CRYBG1: variants seen among roughly 807,000 people sequenced by gnomAD.
The protein encoded by CRYBG1 is crystallin beta-gamma domain containing 1.
Under a neutral mutation model 189.2 loss-of-function variants are expected in CRYBG1, and 139 were observed. The ratio of observed to expected loss-of-function variants is 0.73; its 90% CI spans 0.64 to 0.85. The LOEUF (loss-of-function observed/expected upper bound fraction) is 0.85. CRYBG1 is among the 40% of genes least tolerant of loss of function. CRYBG1 has a pLI of 0.00. For missense variants in CRYBG1, 2,611 were observed against 2,675.8 expected (o/e 0.98, Z 0.53); for synonymous variants, 1,023 against 1,017.1 (o/e 1.01, Z -0.11).
chr6:106,429,123 G>A lies in CRYBG1; in HGVS notation c.174-22571G>A, dbSNP rs534807984. 6.6e-5 allele frequency among the ~76,000 whole-genome samples: 10 copies of A among 152,212 alleles called. No individual in the cohort carries two copies. The South Asian group carries it at 2.1e-3, about 32-fold the overall frequency. On this transcript the variant is annotated intron_variant, in intron 1 of 21. Transcript: ENST00000633556. ...GATGACCTGAACATTTTAACCTTTG[G>A]CAAAATTATTTTCCTTTCATTTCCT...
chr6:106,527,480 G>A lies in CRYBG1; in HGVS notation c.4578+10G>A, dbSNP rs1465322079. 2 of 1,596,486 alleles carry A rather than the reference G, an allele frequency of 1.3e-6. No homozygotes were observed. The highest frequency in any genetic ancestry group is 2.3e-5 in the South Asian group (2 of 87,856). ...CAGACATGTGGTTCAGGTAGGTTGT[G>A]GTAAATATGGATTTTATTTATTCAG... On this transcript the variant is annotated intron_variant, in intron 7 of 21. Coordinates refer to ENST00000633556, the MANE Select transcript of CRYBG1 (RefSeq NM_001371242.2).
At chr6:106,435,776 A>C (rs1038269326) in intron 1 of CRYBG1, among the ~76,000 whole-genome samples, 12 of 151,932 alleles carry the variant, frequency 7.9e-5, no homozygotes, top group African/African-American at 2.7e-4. Flanking sequence ...GGGTTTCACT[A>C]TGTTGGTCAG....
At position 106,519,168 on chromosome 6, in the gene CRYBG1, AC is replaced by A; in HGVS notation, c.1964del (p.Pro655LeufsTer63). On this transcript the variant is annotated frameshift_variant, in exon 4 of 22. Coordinates refer to ENST00000633556, the MANE Select transcript of CRYBG1 (RefSeq NM_001371242.2). LOFTEE classifies it high-confidence loss of function. ...CAAACATGTGGAACTAAATCTTAAA[AC>A]CCCTAAGAATCTTGACAGTTTGGGA... Reference protein sequence around the residue: ...KPKHVELNLKTPKNLDSLGNE... With the variant: ...KPKHVELNLKXPKNLDSLGNE... 1.9e-6 allele frequency: 3 copies of A among 1,613,740 alleles called. No individual in the cohort carries two copies. The highest frequency in any genetic ancestry group is 2.5e-6 in the Non-Finnish European group (3 of 1,179,954).
At chr6:106,517,446 A>G (rs1476804165) in intron 3 of CRYBG1, among the ~76,000 whole-genome samples, 1 of 148,570 alleles carries the variant, frequency 6.7e-6, no homozygotes, top group Non-Finnish European at 1.5e-5. Context: ...ACACATATAT[A>G]TACACACATA....
In CRYBG1 at chr6:106,443,963, A is replaced by G. The variant is rs543658169; in HGVS notation, c.174-7731A>G. Among the ~76,000 whole-genome samples, 3 of 152,258 alleles carry G rather than the reference A, an allele frequency of 2.0e-5. No individual in the cohort carries two copies. The South Asian group carries it at 6.2e-4, about 32-fold the overall frequency. ...TGCTATGAAATACTAGATCTTATTC[A>G]TTCTATCTAACTGTATTTTTGTATC... On this transcript the variant is annotated intron_variant, in intron 1 of 21. Transcript: ENST00000633556.
intron 2 of CRYBG1, among the ~76,000 whole-genome samples, chr6:106,478,126 G>A (rs1772369248): frequency 6.6e-6 from 1 of 152,228 alleles, no homozygotes; most frequent in Non-Finnish European, 1.5e-5. Flanking sequence ...CTGCTCCTTT[G>A]GGTTTGGAAG....
intron 1 of CRYBG1, among the ~76,000 whole-genome samples, chr6:106,418,684 A>C (rs781674695): frequency 1.3e-5 from 2 of 152,228 alleles, no homozygotes; most frequent in African/African-American, 2.4e-5. Flanking sequence ...GTATAGAGTA[A>C]GCATTGTACC....
intron 1 of CRYBG1, among the ~76,000 whole-genome samples, chr6:106,367,294 T>A (rs983975786): frequency 8.5e-5 from 13 of 152,080 alleles, no homozygotes; most frequent in African/African-American, 2.9e-4. Flanking sequence ...AGCTCTTTTT[T>A]AAAAAAATAT....
intron 1 of CRYBG1, among the ~76,000 whole-genome samples, chr6:106,418,025 C>G (rs988978405): frequency 6.6e-6 from 1 of 152,356 alleles, no homozygotes; most frequent in South Asian, 2.1e-4. Context: ...TTTCTGTGTA[C>G]CTGCACTCAG....
intron 1 of CRYBG1, among the ~76,000 whole-genome samples, chr6:106,436,756 CATATT>C (rs1771468733): frequency 6.6e-6 from 1 of 152,060 alleles, no homozygotes; most frequent in African/African-American, 2.4e-5. Context: ...TTACCATAAG[CATATT>C]ATAAATAGAT....
intron 7 of CRYBG1, 149 bp from the exon 8 acceptor site, chr6:106,530,027 G>A: frequency 3.1e-6 from 2 of 646,826 alleles, no homozygotes; most frequent in South Asian, 3.9e-5. Context: ...GATGAAAACA[G>A]GAAAGGGCTA....
intron 2 of CRYBG1, among the ~76,000 whole-genome samples, chr6:106,491,044 C>A (rs1772710755): frequency 6.6e-6 from 1 of 152,200 alleles, no homozygotes; most frequent in African/African-American, 2.4e-5. Context: ...TGTTTAAAAA[C>A]AAAACTACAG....
chr6:106,507,676 G>C (rs1241556099), intron 2 of CRYBG1, among the ~76,000 whole-genome samples: 3 of 152,182 alleles, frequency 2.0e-5, no homozygotes, highest in Non-Finnish European at 4.4e-5. Flanking sequence ...AGGCCAGCTA[G>C]TTTTTTGTCT....
rs573255031 is a variant in CRYBG1, at chr6:106,570,231, G to C, written c.*1665G>C. On this transcript the variant is annotated 3_prime_UTR_variant, in exon 22 of 22. Transcript: ENST00000633556. ...AATTCTAAAATGCTGATCTTCTCTG[G>C]AGTCTATGGTAGGCAATTATGGTCA... 6.6e-6 allele frequency: 1 copy of C among 152,204 alleles called. No homozygotes were observed. The highest frequency in any genetic ancestry group is 1.9e-4 in the East Asian group (1 of 5,186). The allele number at this position is 152,204 out of a possible 1,614,324, so 9.4% of individuals were successfully genotyped here.
chr6:106,465,428 G>A (rs1772096313), intron 2 of CRYBG1, among the ~76,000 whole-genome samples: 1 of 152,206 alleles, frequency 6.6e-6, no homozygotes. Context: ...ATAGTGCTCT[G>A]TGGAGCCCTA....
chr6:106,469,901 G>A (rs1363998331), intron 2 of CRYBG1, among the ~76,000 whole-genome samples: 1 of 152,210 alleles, frequency 6.6e-6, no homozygotes, highest in African/African-American at 2.4e-5. Flanking sequence ...GTGATGGGAA[G>A]GCCTGGAAGA....
intron 1 of CRYBG1, among the ~76,000 whole-genome samples, chr6:106,446,302 G>A (rs1348119794): frequency 6.6e-6 from 1 of 152,192 alleles, no homozygotes; most frequent in African/African-American, 2.4e-5. Flanking sequence ...GAAAACTTAT[G>A]CATGTTACAA....
intron 1 of CRYBG1, among the ~76,000 whole-genome samples, chr6:106,428,323 A>G (rs1412805097): frequency 2.6e-5 from 4 of 152,120 alleles, no homozygotes; most frequent in Admixed American, 6.6e-5. Context: ...CACTCTTCTC[A>G]CTTTTTTATG....
At chr6:106,439,547 G>A (rs191527539) in intron 1 of CRYBG1, among the ~76,000 whole-genome samples, 6 of 152,296 alleles carry the variant, frequency 3.9e-5, no homozygotes, top group Admixed American at 2.0e-4. Context: ...CCTGTGAGCA[G>A]AGATTGTTGA....
Sources: gnomAD v4.1 joint callset for allele counts (sites outside exome capture counted in the v4.1 genomes callset) on GRCh38, gnomAD v4.1.1 for gene constraint, MANE v1.5 for transcripts, NCBI Gene and HGNC (gene_info 2026-07-23, HGNC 2026-07-21) for gene names.